Variants in LYST observed in about 807,000 individuals in gnomAD.
The protein encoded by LYST is lysosomal trafficking regulator, also known as lysosomal-trafficking regulator.
In LYST, 192 loss-of-function variants were observed where a neutral mutation model predicts 413.6. That is an observed-to-expected ratio of 0.46 (90% CI 0.41 to 0.52). The LOEUF (loss-of-function observed/expected upper bound fraction) is 0.52, where lower values mean the gene tolerates loss of function less well. Ranked by LOEUF, LYST falls within the 20% of genes least tolerant of loss-of-function variation. The pLI, the probability that LYST is intolerant of heterozygous loss-of-function variation, is 0.00. For synonymous variants in LYST, 1,525 were observed against 1,567.3 expected (o/e 0.97, Z 0.64); for missense variants, 3,815 against 4,499.9 (o/e 0.85, Z 4.35).
At chr1:235,803,193 G>A in intron 7 of LYST, 129 bp from the exon 8 acceptor site, 1 of 728,536 alleles carries the variant, frequency 1.4e-6, no homozygotes, top group Non-Finnish European at 2.3e-6. Context: ...TAAACAATAT[G>A]AATCATTATA....
chr1:235,731,555 C>CTTT (rs1664378267), intron 34 of LYST, among the ~76,000 whole-genome samples: 1 of 135,356 alleles, frequency 7.4e-6, no homozygotes, highest in African/African-American at 2.7e-5. Context: ...TCCCATTTTG[C>CTTT]ATTTTTTTTT....
intron 31 of LYST, chr1:235,738,519 A>G (rs1339978894): frequency 1.6e-5 from 26 of 1,611,654 alleles, no homozygotes; most frequent in African/African-American, 8.0e-5. Flanking sequence ...CCGTTACCCA[A>G]TGGGGGAAAG....
chr1:235,747,148 C>A, intron 28 of LYST: 2 of 372,578 alleles, frequency 5.4e-6, no homozygotes, highest in South Asian at 3.9e-5. Flanking sequence ...AGAGGAGTGG[C>A]ATTCCTGCAC....
intron 1 of LYST, among the ~76,000 whole-genome samples, chr1:235,838,098 T>C (rs1676763691): frequency 6.6e-6 from 1 of 152,186 alleles, no homozygotes; most frequent in Non-Finnish European, 1.5e-5. Flanking sequence ...AAGATTAGTA[T>C]ATTTGGCAAT....
At chr1:235,668,127 A>G (rs1380855739) in intron 50 of LYST, among the ~76,000 whole-genome samples, 3 of 152,188 alleles carry the variant, frequency 2.0e-5, no homozygotes, top group African/African-American at 4.8e-5. Context: ...GATATTTTCA[A>G]TCTGAGGTTG....
intron 3 of LYST, among the ~76,000 whole-genome samples, chr1:235,813,617 G>C (rs565824126): frequency 1.3e-5 from 2 of 152,246 alleles, no homozygotes; most frequent in Non-Finnish European, 2.9e-5. Context: ...TGGAGGATAT[G>C]GTCCAAGCCC....
chr1:235,850,229 A>G (rs910749131), intron 1 of LYST, among the ~76,000 whole-genome samples: 1 of 152,194 alleles, frequency 6.6e-6, no homozygotes, highest in Non-Finnish European at 1.5e-5. Context: ...CCAAATACCT[A>G]CAGCCAACTG....
intron 21 of LYST, among the ~76,000 whole-genome samples, chr1:235,764,495 C>CTTTTTTTTTTTTTTTTTTTTTTT (rs1020736833): frequency 3.1e-4 from 30 of 97,946 alleles, no homozygotes; most frequent in East Asian, 5.3e-4. Context: ...TTTTTCTTTT[C>CTTTTTTTTTTTTTTTTTTTTTTT]TTTTTTTTTT....
chr1:235,814,584 G>A (rs1017876027), intron 3 of LYST, among the ~76,000 whole-genome samples: 2 of 152,192 alleles, frequency 1.3e-5, no homozygotes, highest in Non-Finnish European at 2.9e-5. Flanking sequence ...CAAAGCTGTT[G>A]CCCTTTCACT....
At chr1:235,869,279 T>A (rs935272103), upstream of LYST, among the ~76,000 whole-genome samples, 1 of 152,076 alleles carries the variant, frequency 6.6e-6, no homozygotes, top group African/African-American at 2.4e-5. Context: ...GAGACCATCC[T>A]GGCTAACACG....
At chr1:235,827,943 C>T (rs1572387572) in intron 3 of LYST, 4 of 469,008 alleles carry the variant, frequency 8.5e-6, no homozygotes, top group Non-Finnish European at 1.1e-5. Context: ...AATAACCTGA[C>T]CTTAAAAATG....
At chr1:235,827,359 A>G (rs1675446332) in intron 3 of LYST, 1 of 846,492 alleles carries the variant, frequency 1.2e-6, no homozygotes, top group South Asian at 5.4e-5. Flanking sequence ...AAAAAGTGAG[A>G]CTCTGTCTCA....
intron 18 of LYST, 70 bp downstream of exon 18, chr1:235,774,843 G>A (rs1324195583): frequency 4.0e-5 from 41 of 1,018,686 alleles, no homozygotes; most frequent in Non-Finnish European, 5.9e-5. Flanking sequence ...AACTATTATT[G>A]GAAGACTTTG....
At chr1:235,805,575 TAATA>T (rs1672731611) in intron 6 of LYST, among the ~76,000 whole-genome samples, 164 bp downstream of exon 6, 1 of 150,024 alleles carries the variant, frequency 6.7e-6, no homozygotes, top group African/African-American at 2.4e-5. Flanking sequence ...ACATAAAACA[TAATA>T]TATACACATA....
intron 48 of LYST, among the ~76,000 whole-genome samples, chr1:235,678,985 T>A (rs1659602105): frequency 6.6e-6 from 1 of 152,204 alleles, no homozygotes; most frequent in Admixed American, 6.5e-5. Flanking sequence ...CAGCTATCTA[T>A]CTTAGCTGCT....
intron 50 of LYST, among the ~76,000 whole-genome samples, chr1:235,668,165 G>A (rs1352864377): frequency 1.3e-5 from 2 of 152,136 alleles, no homozygotes; most frequent in Middle Eastern, 6.8e-3. Context: ...GAAACCCACA[G>A]ATACAAAGGA....
At chr1:235,692,822 G>A (rs1019988987) in intron 47 of LYST, among the ~76,000 whole-genome samples, 5 of 149,572 alleles carry the variant, frequency 3.3e-5, no homozygotes, top group Non-Finnish European at 7.4e-5. Context: ...GGAGTTTGAG[G>A]CCAGCCTGGG....
At chr1:235,682,968 A>C (rs1228368954) in intron 48 of LYST, among the ~76,000 whole-genome samples, 1 of 152,190 alleles carries the variant, frequency 6.6e-6, no homozygotes, top group Non-Finnish European at 1.5e-5. Context: ...ATTTTCCTAA[A>C]GTTTTAGGTC....
chr1:235,802,058 G>C (rs1359093299), intron 8 of LYST, among the ~76,000 whole-genome samples: 1 of 152,042 alleles, frequency 6.6e-6, no homozygotes, highest in East Asian at 1.9e-4. Context: ...GCTGGGCATG[G>C]TGGCGGGCTC....
Sources: allele counts gnomAD v4.1 joint callset (sites outside exome capture counted in the v4.1 genomes callset), GRCh38; gene constraint gnomAD v4.1.1; transcripts MANE v1.5; gene names NCBI Gene and HGNC (gene_info 2026-07-23, HGNC 2026-07-21).